DPH6: variants seen among roughly 807,000 people sequenced by gnomAD.
DPH6 encodes the protein diphthamine biosynthesis 6.
Under a neutral mutation model 38.2 loss-of-function variants are expected in DPH6, and 33 were observed. The ratio of observed to expected loss-of-function variants is 0.86; its 90% CI spans 0.65 to 1.15. DPH6 has a LOEUF of 1.15. Among genes scored for constraint, DPH6 ranks in the 50% most tolerant of loss-of-function variants. The pLI is 0.00. For synonymous variants in DPH6, 108 were observed against 103.0 expected, an observed-to-expected ratio of 1.05 and a Z score of -0.30; for missense variants, 325 against 320.0, an observed-to-expected ratio of 1.02 and a Z score of -0.12.
intron 3 of DPH6, among the ~76,000 whole-genome samples, chr15:35,285,502 C>T (rs2051934972): frequency 6.6e-6 from 1 of 152,108 alleles, no homozygotes; most frequent in Non-Finnish European, 1.5e-5. Context: ...CTTGCTCCTC[C>T]CTGCCTTCCG....
At chr15:35,458,257 C>T (rs1484456647) in intron 3 of DPH6, among the ~76,000 whole-genome samples, 4 of 152,098 alleles carry the variant, frequency 2.6e-5, no homozygotes, top group African/African-American at 4.8e-5. Context: ...AAAAACCTAA[C>T]TCTTTCATTT....
chr15:35,403,235 T>G (rs1467738204), intron 6 of DPH6, among the ~76,000 whole-genome samples: 1 of 152,110 alleles, frequency 6.6e-6, no homozygotes, highest in African/African-American at 2.4e-5. Context: ...CTTGCTTTCT[T>G]TCACTTGATT....
chr15:35,389,521 G>T (rs1389363021), intron 6 of DPH6, among the ~76,000 whole-genome samples: 1 of 152,172 alleles, frequency 6.6e-6, no homozygotes, highest in East Asian at 1.9e-4. Context: ...GAATCTGGGT[G>T]CTCCTGTATT....
At chr15:35,488,763 A>G (rs16961082) in intron 3 of DPH6, among the ~76,000 whole-genome samples, 3,700 of 152,288 alleles carry the variant, frequency 0.024, 143 homozygotes, top group African/African-American at 0.079. Context: ...TATAAAAGAG[A>G]CGAAAATGAT....
At chr15:35,293,249 A>G (rs2051991463) in intron 3 of DPH6, among the ~76,000 whole-genome samples, 2 of 152,244 alleles carry the variant, frequency 1.3e-5, no homozygotes, top group South Asian at 4.1e-4. Context: ...TAAAGAATAG[A>G]GCACAAATAA....
At chr15:35,335,884 T>A (rs2052367919) in intron 3 of DPH6, among the ~76,000 whole-genome samples, 1 of 152,190 alleles carries the variant, frequency 6.6e-6, no homozygotes, top group African/African-American at 2.4e-5. Flanking sequence ...TTTGGTTCCA[T>A]ATGAATTTTT....
chr15:35,426,691 A>G (rs2053574098), intron 5 of DPH6, among the ~76,000 whole-genome samples: 1 of 151,910 alleles, frequency 6.6e-6, no homozygotes, highest in South Asian at 2.1e-4. Flanking sequence ...TGAGACTTCA[A>G]AAAGTATATG....
chr15:35,454,064 G>T (rs2053967293), intron 4 of DPH6, among the ~76,000 whole-genome samples: 1 of 151,976 alleles, frequency 6.6e-6, no homozygotes, highest in Non-Finnish European at 1.5e-5. Flanking sequence ...AAAATGAAAA[G>T]TAAATTCATT....
chr15:35,237,207 G>A (rs2589528), intron 3 of DPH6: 1 of 813,254 alleles, frequency 1.2e-6, no homozygotes, highest in Non-Finnish European at 2.1e-6. Context: ...GCGTGTGCCG[G>A]GGGTGCTGGG....
chr15:35,427,672 TA>T (rs1227131301), intron 5 of DPH6, among the ~76,000 whole-genome samples: 2 of 151,672 alleles, frequency 1.3e-5, no homozygotes, highest in East Asian at 3.9e-4. Flanking sequence ...GAAATGTCAA[TA>T]AAATACTAGA....
intron 5 of DPH6, among the ~76,000 whole-genome samples, chr15:35,428,043 C>G (rs925651521): frequency 6.6e-6 from 1 of 151,948 alleles, no homozygotes; most frequent in Non-Finnish European, 1.5e-5. Context: ...GAGGCAATGG[C>G]ATAATAAGCA....
intron 3 of DPH6, among the ~76,000 whole-genome samples, chr15:35,517,168 T>TC (rs1406373843): frequency 6.6e-6 from 1 of 151,834 alleles, no homozygotes; most frequent in African/African-American, 2.4e-5. Context: ...TAAAGAAGAA[T>TC]TTTTTTTGGA....
chr15:35,277,835 C>A (rs759206283), intron 3 of DPH6, among the ~76,000 whole-genome samples: 4 of 152,186 alleles, frequency 2.6e-5, no homozygotes, highest in Non-Finnish European at 5.9e-5. Context: ...CCTAGGGTAT[C>A]TGGCAGAAGA....
At chr15:35,474,718 C>T (rs2054243649) in intron 3 of DPH6, among the ~76,000 whole-genome samples, 2 of 151,968 alleles carry the variant, frequency 1.3e-5, no homozygotes, top group African/African-American at 4.8e-5. Flanking sequence ...ATCAATAAGT[C>T]AGCATTACTT....
chr15:35,189,156 C>T, the DPH6 span, among the ~76,000 whole-genome samples: 1 of 152,110 alleles, frequency 6.6e-6, no homozygotes, highest in Non-Finnish European at 1.5e-5. Context: ...AATGACTTGA[C>T]ATTATTAAAT....
intron 3 of DPH6, among the ~76,000 whole-genome samples, chr15:35,478,672 A>G (rs1210779965): frequency 1.3e-5 from 2 of 151,978 alleles, no homozygotes; most frequent in African/African-American, 2.4e-5. Context: ...GTCTAAAACT[A>G]TAACAAGATA....
chr15:35,152,651 C>T, the DPH6 span, among the ~76,000 whole-genome samples: 2 of 152,134 alleles, frequency 1.3e-5, no homozygotes, highest in East Asian at 1.9e-4. Flanking sequence ...AGGCATGTGC[C>T]ACCACACCTG....
At chr15:35,246,269 T>C (rs561616062) in intron 3 of DPH6, among the ~76,000 whole-genome samples, 16 of 152,362 alleles carry the variant, frequency 1.1e-4, no homozygotes, top group South Asian at 6.2e-4. Flanking sequence ...GTAAGTTTCA[T>C]TGGCAAGTTA....
intron 3 of DPH6, among the ~76,000 whole-genome samples, chr15:35,465,806 T>C (rs564386379): frequency 6.6e-6 from 1 of 152,268 alleles, no homozygotes; most frequent in South Asian, 2.1e-4. Context: ...TTTCATTAAA[T>C]AGGGGAAAAA....
Sources: gnomAD v4.1 joint callset for allele counts (sites outside exome capture counted in the v4.1 genomes callset) on GRCh38, gnomAD v4.1.1 for gene constraint, MANE v1.5 for transcripts, NCBI Gene and HGNC (gene_info 2026-07-23, HGNC 2026-07-21) for gene names.